KRT16: variants seen among roughly 807,000 people sequenced by gnomAD.
KRT16 encodes keratin, type I cytoskeletal 16.
Under a neutral mutation model 44.8 loss-of-function variants are expected in KRT16, and 42 were observed. The ratio of observed to expected loss-of-function variants is 0.94; its 90% CI spans 0.73 to 1.21. The LOEUF (loss-of-function observed/expected upper bound fraction) is 1.21, where lower values mean the gene tolerates loss of function less well. Among genes scored for constraint, KRT16 ranks in the 50% most tolerant of loss-of-function variants. KRT16 has a pLI of 0.00. For missense variants in KRT16, 561 were observed against 626.9 expected (o/e 0.89, Z 1.12); for synonymous variants, 226 against 260.4 (o/e 0.87, Z 1.27).
chr17:41,612,684 G>T lies in KRT16; in HGVS notation c.5C>A (p.Thr2Asn), dbSNP rs752063430. Reference sequence around the variant, plus strand: ...GGAGGTGAACTGGCGGCTGCAGGTGGTCATGGTGCCAAGGAGGGAGGTGAG... The same window carrying T: ...GGAGGTGAACTGGCGGCTGCAGGTGTTCATGGTGCCAAGGAGGGAGGTGAG... The part of the protein sequence containing the change: M[T>N]TCSRQFTSSS... Residue 2 changes from threonine (T) to asparagine (N), a missense_variant, in exon 1 of 8, where the codon ACC (threonine) becomes AAC (asparagine). Physicochemically the swap from Thr to Asn is moderately conservative, Grantham distance 65. Transcript: ENST00000301653. 1.8e-5 allele frequency: 29 copies of T among 1,594,592 alleles called. No homozygotes were observed. The highest frequency in any genetic ancestry group is 4.5e-4 in the Middle Eastern group (2 of 4,440).
chr17:41,612,758 A>G lies in KRT16; in HGVS notation c.-70T>C. 1.3e-6 allele frequency: 2 copies of G among 1,537,876 alleles called. No homozygotes were observed. The highest frequency in any genetic ancestry group is 1.7e-6 in the Non-Finnish European group (2 of 1,147,448). ...AGGAAAGGTGCTCAGGAAGGCTGAG[A>G]GCGTGCTGTGGCTGCCTCCAACCCC... On this transcript the variant is annotated 5_prime_UTR_variant, in exon 1 of 8. Coordinates refer to ENST00000301653, the MANE Select transcript of KRT16 (RefSeq NM_005557.4).
At chr17:41,611,987 C>T (rs919734104) in intron 1 of KRT16, 171 bp downstream of exon 1, 9 of 901,312 alleles carry the variant, frequency 1.0e-5, no homozygotes, top group African/African-American at 9.8e-5. Flanking sequence ...CCAGTCCGGG[C>T]ACAGAGATAC....
rs1908184802 is a variant in KRT16 at position 41,611,212 on chromosome 17, C to T, written c.790G>A (p.Gly264Ser). 6.2e-7 allele frequency: 1 copy of T among 1,614,016 alleles called. No homozygotes were observed. Among genetic ancestry groups the T allele is most frequent in the Non-Finnish European group, 8.5e-7 (1 of 1,179,866 alleles). The part of the protein sequence containing the change: ...NHEEEMLALR[G>S]QTGGDVNVEM... ...ACGTTCACATCTCCGCCGGTCTGAC[C>T]TCTCAGAGCAAGCATCTCCTGGGAA... The change falls in exon 4 of 8, where the codon GGT (glycine) becomes AGT (serine). Residue 264 changes from glycine to serine, a missense_variant. Coordinates refer to ENST00000301653, the MANE Select transcript of KRT16 (RefSeq NM_005557.4).
At position 41,611,109 on chromosome 17, in the gene KRT16, T is replaced by C. The variant is rs763554974; in HGVS notation, c.893A>G (p.Glu298Gly). Residue 298 changes from glutamate to glycine, a missense_variant, in exon 4 of 8, where the codon GAG becomes GGG. Transcript: ENST00000301653. ...GGTCTCAGCGTCTCTGCGGTTTTTC[T>C]CTGCCATCTGCTCGTACTGGTCACG... ...EMRDQYEQMA[E>G]KNRRDAETWF... 11 of 1,613,878 alleles carry C rather than the reference T, an allele frequency of 6.8e-6. No homozygotes were observed. The highest frequency in any genetic ancestry group is 8.5e-7 in the Non-Finnish European group (1 of 1,179,882).
At position 41,612,669 on chromosome 17, in the gene KRT16, T is replaced by C. The variant is rs1302621658; in HGVS notation, c.20A>G (p.Gln7Arg). 6 of 1,599,690 alleles carry C rather than the reference T, an allele frequency of 3.8e-6. No individual in the cohort carries two copies. The highest frequency in any genetic ancestry group is 5.1e-6 in the Non-Finnish European group (6 of 1,174,410). The change falls in exon 1 of 8, where the codon CAG becomes CGG. Residue 7 changes from glutamine (Q) to arginine (R), a missense_variant. Physicochemically the swap from Gln to Arg is conservative, Grantham distance 43. Transcript: ENST00000301653. MTTCSR[Q>R]FTSSSSMKGS... ...CTTCATGGAGCTGGAGGAGGTGAAC[T>C]GGCGGCTGCAGGTGGTCATGGTGCC...
In KRT16 at chr17:41,611,177, A is replaced by G. The variant is rs141914758; in HGVS notation, c.825T>C (p.Asp275=). The G allele has an allele frequency of 1.2e-6, 2 of 1,613,828 alleles. No individual in the cohort carries two copies. Among genetic ancestry groups the G allele is most frequent in the South Asian group, 2.2e-5 (2 of 91,082 alleles). The change falls in exon 4 of 8, where the codon GAT becomes GAC. Residue 275 remains aspartate, a synonymous_variant. Transcript: ENST00000301653. Reference sequence around the variant, plus strand: ...GGCTCAGGTCCACGCCAGGTGCAGCATCCATCTCCACGTTCACATCTCCGC... The same window carrying G: ...GGCTCAGGTCCACGCCAGGTGCAGCGTCCATCTCCACGTTCACATCTCCGC... ...QTGGDVNVEM[D]AAPGVDLSRI...
rs1447280552 is a variant in KRT16 at position 41,612,334 on chromosome 17, C to T, written c.355G>A (p.Val119Met). 6.2e-6 allele frequency: 10 copies of T among 1,614,176 alleles called. No homozygotes were observed. The highest frequency in any genetic ancestry group is 3.3e-5 in the Admixed American group (2 of 60,034). The change falls in exon 1 of 8, where the codon GTG becomes ATG. Residue 119 changes from valine to methionine, a missense_variant. Physicochemically the swap from Val to Met is conservative, Grantham distance 21. Transcript: ENST00000301653. ...CGGTCATTGAGGTTCTGCATGGTCA[C>T]CTTCTCACTGCCCACCAGAAGCCCA... ...GDGLLVGSEK[V>M]TMQNLNDRLA...
chr17:41,611,696 G>T lies in KRT16; in HGVS notation c.557C>A (p.Ala186Glu), dbSNP rs547733077. Residue 186 changes from alanine (A) to glutamate (E), a missense_variant, in exon 2 of 8, where the codon GCG (alanine) becomes GAG (glutamate). By Grantham distance (107) the Ala-to-Glu change is moderately radical (BLOSUM62 -1). Coordinates refer to ENST00000301653, the MANE Select transcript of KRT16 (RefSeq NM_005557.4). ...ATTGTCAATCTGCAAAATGGGCTGC[G>T]CATTCTCAATGGTGGCCGCAATGAT... ...NKIIAATIEN[A>E]QPILQIDNAR... The T allele has an allele frequency of 6.0e-5, 97 of 1,611,040 alleles. No homozygotes were observed. Among genetic ancestry groups the T allele is most frequent in the Non-Finnish European group, 7.8e-5 (92 of 1,179,450 alleles).
chr17:41,610,263 C>A (rs1398420334), intron 6 of KRT16, 27 bp from the exon 7 acceptor site: 4 of 1,613,690 alleles, frequency 2.5e-6, no homozygotes, highest in Non-Finnish European at 3.4e-6. Context: ...GCAGGGCAGT[C>A]AGTTGTGCTG....
At chr17:41,610,095 A>T in intron 7 of KRT16, 66 bp from the exon 8 acceptor site, 1 of 1,582,236 alleles carries the variant, frequency 6.3e-7, no homozygotes, top group Non-Finnish European at 8.7e-7. Flanking sequence ...GGCAGGGAGA[A>T]GGGAGGGCTG....
At position 41,612,139 on chromosome 17, in the gene KRT16, A is replaced by G; in HGVS notation, c.531+19T>C. The G allele has an allele frequency of 6.2e-7, 1 of 1,612,026 alleles. No individual in the cohort carries two copies. The highest frequency in any genetic ancestry group is 8.5e-7 in the Non-Finnish European group (1 of 1,179,836). On this transcript the variant is annotated intron_variant, in intron 1 of 7. Coordinates refer to ENST00000301653, the MANE Select transcript of KRT16 (RefSeq NM_005557.4). ...TAGCCCCAGCCTCTCTCAGTGCTCC[A>G]TACACCAAAGTCACCCACCTTGTTC...
chr17:41,611,086 T>C lies in KRT16; in HGVS notation c.916A>G (p.Thr306Ala), dbSNP rs112891689. 858 of 1,613,982 alleles carry C rather than the reference T, an allele frequency of 5.3e-4. 7 individuals are homozygous for C. In the African/African-American group the frequency reaches 9.4e-3, roughly 18 times the overall value. The change falls in exon 4 of 8, where the codon ACC becomes GCC. Residue 306 changes from threonine to alanine, a missense_variant. By Grantham distance (58) the Thr-to-Ala change is moderately conservative. Transcript: ENST00000301653. ...AGCCCCACCTTGCTCAGGAACCAGG[T>C]CTCAGCGTCTCTGCGGTTTTTCTCT... ...MAEKNRRDAETWFLSKTEELN... is the reference protein window; with the variant it reads ...MAEKNRRDAEAWFLSKTEELN...
Position 41,612,760 on chromosome 17 carries a change from C to A in KRT16, c.-72G>T. The A allele has an allele frequency of 1.3e-6, 2 of 1,536,952 alleles. No individual in the cohort carries two copies. The highest frequency in any genetic ancestry group is 2.4e-5 in the South Asian group (2 of 84,094). On this transcript the variant is annotated 5_prime_UTR_variant, in exon 1 of 8. Coordinates refer to ENST00000301653, the MANE Select transcript of KRT16 (RefSeq NM_005557.4). The stretch of plus-strand genomic sequence containing the variant: ...GAAAGGTGCTCAGGAAGGCTGAGAG[C>A]GTGCTGTGGCTGCCTCCAACCCCAG...
At position 41,611,361 on chromosome 17, in the gene KRT16, C is replaced by G. The variant is rs759181895; in HGVS notation, c.755G>C (p.Arg252Thr). ...EGLKEELAYL[R>T]KNHEEEMLAL... Reference sequence around the variant, plus strand: ...CGACCGTACCTCCTCGTGGTTCTTCCTCAGGTAGGCCAGCTCCTCCTTCAG... The same window carrying G: ...CGACCGTACCTCCTCGTGGTTCTTCGTCAGGTAGGCCAGCTCCTCCTTCAG... The change falls in exon 3 of 8, where the codon AGG (arginine) becomes ACG (threonine). Residue 252 changes from arginine (R) to threonine (T), a missense_variant. By Grantham distance (71) the Arg-to-Thr change is moderately conservative. Transcript: ENST00000301653. 6 of 1,614,182 alleles carry G rather than the reference C, an allele frequency of 3.7e-6. No homozygotes were observed. Among genetic ancestry groups the G allele is most frequent in the Non-Finnish European group, 5.1e-6 (6 of 1,180,010 alleles).
In KRT16 at chr17:41,611,622, C is replaced by T. The variant is rs764345828; in HGVS notation, c.614+17G>A. The T allele has an allele frequency of 2.0e-5, 33 of 1,609,856 alleles. No homozygotes were observed. In the Middle Eastern group the frequency reaches 6.7e-4, roughly 33 times the overall value. On this transcript the variant is annotated intron_variant, in intron 2 of 7. Transcript: ENST00000301653. ...TCCCTTGCCCTCTGCCCCCAGCCCA[C>T]CATGCTGGCTGCTCACTTGGTCCTG...
At position 41,612,429 on chromosome 17, in the gene KRT16, CCAT is replaced by C. The variant is rs747509874; in HGVS notation, c.257_259del (p.Tyr86_Gly87delinsCys). ...ACCGAAGCCAGCACCAAGGCCACCA[CCAT>C]ATCCTCCCCCGAAGCCACTACCAAA... On this transcript the variant is annotated inframe_deletion, in exon 1 of 8. Transcript: ENST00000301653. 29 of 1,613,786 alleles carry C rather than the reference CCAT, an allele frequency of 1.8e-5. No individual in the cohort carries two copies. The East Asian group carries it at 6.2e-4, about 35-fold the overall frequency.
intron 1 of KRT16, chr17:41,611,943 C>G (rs770936894): frequency 8.8e-6 from 7 of 797,324 alleles, no homozygotes; most frequent in Middle Eastern, 3.5e-4. Flanking sequence ...GCAGCTGAAC[C>G]CTTGAAGGAA....
At position 41,609,862 on chromosome 17, in the gene KRT16, A is replaced by T. The variant is rs1030072791; in HGVS notation, c.*73T>A. The T allele has an allele frequency of 1.6e-6, 2 of 1,233,424 alleles. No individual in the cohort carries two copies. The highest frequency in any genetic ancestry group is 3.0e-5 in the African/African-American group (2 of 67,402). The allele number at this position is 1,233,424 out of a possible 1,614,324, so 76.4% of individuals were successfully genotyped here. ...TAGCTGGGAACTGCGCCAGGAGAGC[A>T]GGGTCCTGACCCGGGCCTTCAGGAG... On this transcript the variant is annotated 3_prime_UTR_variant, in exon 8 of 8. Transcript: ENST00000301653.
intron 1 of KRT16, 167 bp downstream of exon 1, chr17:41,611,991 G>A (rs1393467920): frequency 2.2e-6 from 2 of 922,136 alleles, no homozygotes; most frequent in Admixed American, 1.9e-5. Context: ...TCCGGGCACA[G>A]AGATACTGAA....
Sources: allele counts gnomAD v4.1 joint callset, GRCh38; gene constraint gnomAD v4.1.1; transcripts MANE v1.5; gene names NCBI Gene and HGNC (gene_info 2026-07-23, HGNC 2026-07-21).